MTHFS: variants seen among roughly 807,000 people sequenced by gnomAD.
MTHFS encodes the protein 5-formyltetrahydrofolate cyclo-ligase.
A neutral mutation model predicts 12.7 loss-of-function variants in MTHFS; 7 were observed. That is an observed-to-expected ratio of 0.55 (90% confidence interval 0.31 to 1.03). The LOEUF is 1.03. MTHFS is among the 50% of genes least tolerant of loss of function. MTHFS has a pLI of 0.05. For missense variants in MTHFS, 252 were observed against 258.1 expected (o/e 0.98, Z 0.16); for synonymous variants, 100 against 97.1 (o/e 1.03, Z -0.18).
chr15:79,883,961 T>C (rs577411918), intron 2 of MTHFS, among the ~76,000 whole-genome samples: 26 of 152,318 alleles, frequency 1.7e-4, no homozygotes, highest in Non-Finnish European at 3.8e-4. Context: ...CACATAACAT[T>C]ACCCTATGCT....
intron 2 of MTHFS, among the ~76,000 whole-genome samples, chr15:79,875,678 T>C (rs536160530): frequency 6.6e-6 from 1 of 152,256 alleles, no homozygotes; most frequent in South Asian, 2.1e-4. Flanking sequence ...AATGGTTTCT[T>C]AGCTATGATA....
At chr15:79,846,918 G>A (rs1273750815) in intron 2 of MTHFS, among the ~76,000 whole-genome samples, 1 of 152,196 alleles carries the variant, frequency 6.6e-6, no homozygotes, top group African/African-American at 2.4e-5. Context: ...ATGGCAAGGT[G>A]CTCTGTAAGG....
intron 2 of MTHFS, among the ~76,000 whole-genome samples, chr15:79,869,850 C>T (rs938480659): frequency 2.0e-5 from 3 of 152,080 alleles, no homozygotes; most frequent in East Asian, 3.9e-4. Flanking sequence ...TAGGGAACTT[C>T]GGTTATAAAC....
At chr15:79,885,287 GT>G (rs1438485341) in intron 2 of MTHFS, among the ~76,000 whole-genome samples, 1 of 152,158 alleles carries the variant, frequency 6.6e-6, no homozygotes, top group Non-Finnish European at 1.5e-5. Context: ...TGATCATTAA[GT>G]TATGGCTCAG....
chr15:79,847,973 C>T (rs1255847296), intron 2 of MTHFS, among the ~76,000 whole-genome samples: 1 of 151,552 alleles, frequency 6.6e-6, no homozygotes, highest in East Asian at 1.9e-4. Context: ...AGTAGAACTA[C>T]CATATGGCCC....
chr15:79,879,811 C>T (rs1596077116), intron 2 of MTHFS, among the ~76,000 whole-genome samples: 1 of 152,282 alleles, frequency 6.6e-6, no homozygotes, highest in Non-Finnish European at 1.5e-5. Context: ...CATATATACA[C>T]ACAAAACTCT....
chr15:79,861,487 C>G (rs1252099242), intron 2 of MTHFS, among the ~76,000 whole-genome samples: 1 of 152,198 alleles, frequency 6.6e-6, no homozygotes. Flanking sequence ...AACATACTCT[C>G]ATGTGTTGGT....
intron 2 of MTHFS, among the ~76,000 whole-genome samples, chr15:79,873,450 C>CATTT (rs1423832741): frequency 6.6e-6 from 1 of 152,134 alleles, no homozygotes; most frequent in Non-Finnish European, 1.5e-5. Context: ...ACTGTTATTA[C>CATTT]ATTATGCATC....
chr15:79,886,115 T>G (rs142526567), intron 2 of MTHFS, among the ~76,000 whole-genome samples: 113 of 152,358 alleles, frequency 7.4e-4, no homozygotes, highest in African/African-American at 2.7e-3. Context: ...AAATTTTTGC[T>G]TAGGAACTTA....
chr15:79,879,754 T>A (rs925944693), intron 2 of MTHFS, among the ~76,000 whole-genome samples: 1 of 152,188 alleles, frequency 6.6e-6, no homozygotes, highest in African/African-American at 2.4e-5. Context: ...AAAAACATCA[T>A]GACCCATTTT....
intron 1 of MTHFS, among the ~76,000 whole-genome samples, chr15:79,895,956 C>T (rs1381080119): frequency 6.6e-6 from 1 of 152,182 alleles, no homozygotes; most frequent in Non-Finnish European, 1.5e-5. Context: ...TTAAATTTTT[C>T]TTCCTCTGGT....
intron 2 of MTHFS, among the ~76,000 whole-genome samples, chr15:79,868,390 A>G (rs28445359): frequency 9.9e-5 from 15 of 152,188 alleles, no homozygotes; most frequent in African/African-American, 3.4e-4. Flanking sequence ...ATAGAAGATA[A>G]TCTTCTTAGA....
intron 2 of MTHFS, among the ~76,000 whole-genome samples, chr15:79,888,541 C>G (rs1444127053): frequency 6.6e-6 from 1 of 152,154 alleles, no homozygotes; most frequent in Non-Finnish European, 1.5e-5. Context: ...GAGATGTCAG[C>G]TTAGACTGCA....
chr15:79,888,257 T>C (rs1373909231), intron 2 of MTHFS, among the ~76,000 whole-genome samples: 3 of 152,134 alleles, frequency 2.0e-5, no homozygotes, highest in Non-Finnish European at 4.4e-5. Flanking sequence ...TCAGAGTGGC[T>C]GGAACTCAGA....
At chr15:79,874,967 T>C (rs2034165828) in intron 2 of MTHFS, among the ~76,000 whole-genome samples, 1 of 152,020 alleles carries the variant, frequency 6.6e-6, no homozygotes, top group South Asian at 2.1e-4. Context: ...TTTGTGCAGT[T>C]AACGCAATCA....
At chr15:79,889,592 G>A (rs1191840993) in intron 1 of MTHFS, among the ~76,000 whole-genome samples, 2 of 152,136 alleles carry the variant, frequency 1.3e-5, no homozygotes, top group Admixed American at 6.5e-5. Flanking sequence ...CACCCACTCT[G>A]GTAGGTGTGA....
At chr15:79,867,094 C>T (rs999199630) in intron 2 of MTHFS, among the ~76,000 whole-genome samples, 1 of 152,182 alleles carries the variant, frequency 6.6e-6, no homozygotes, top group Non-Finnish European at 1.5e-5. Flanking sequence ...CCAGCCTCCC[C>T]TAACTCACCA....
chr15:79,866,319 A>C (rs117167667), intron 2 of MTHFS, among the ~76,000 whole-genome samples: 25 of 152,296 alleles, frequency 1.6e-4, no homozygotes, highest in Non-Finnish European at 3.5e-4. Flanking sequence ...TTACCTGTAC[A>C]TTATTTGGTG....
rs747950376 is a variant in MTHFS at position 79,845,215 on chromosome 15, C to G, written c.607G>C (p.Ala203Pro). The G allele has an allele frequency of 2.0e-5, 32 of 1,614,142 alleles. No homozygotes were observed. Among genetic ancestry groups the G allele is most frequent in the Non-Finnish European group, 2.5e-5 (29 of 1,180,002 alleles). ...TTGGCTGTAGTAATCCAGATTTAAG[C>G]TGTTGACGAGTCTTCGTAAAGGACT... is the stretch of plus-strand genomic sequence containing the variant. ...DEVLYEDSST[A>P] The change falls in exon 3 of 3, where the codon GCT (alanine) becomes CCT (proline). Residue 203 changes from alanine to proline, a missense_variant. Coordinates refer to ENST00000258874, the MANE Select transcript of MTHFS (RefSeq NM_006441.4).
Sources: gnomAD v4.1 joint callset for allele counts (sites outside exome capture counted in the v4.1 genomes callset) on GRCh38, gnomAD v4.1.1 for gene constraint, MANE v1.5 for transcripts, NCBI Gene and HGNC (gene_info 2026-07-23, HGNC 2026-07-21) for gene names.